LRRC28: variants seen among roughly 807,000 people sequenced by gnomAD.
LRRC28 encodes the protein leucine-rich repeat-containing protein 28.
A neutral mutation model predicts 45.7 loss-of-function variants in LRRC28; 39 were observed. The observed-to-expected ratio is 0.85, with a 90% confidence interval of 0.66 to 1.12. LRRC28 has a LOEUF of 1.12. LRRC28 is among the 50% of genes most tolerant of loss of function. The pLI is 0.00. For synonymous variants in LRRC28, 206 were observed against 178.8 expected (o/e 1.15, Z -1.22); for missense variants, 435 against 438.5 (o/e 0.99, Z 0.07).
chr15:99,330,463 A>G lies in LRRC28; in HGVS notation c.386-3460A>G, dbSNP rs1003348515. Among the ~76,000 whole-genome samples, 9 of 152,202 alleles carry G rather than the reference A, an allele frequency of 5.9e-5. No homozygotes were observed. In the East Asian group the frequency reaches 1.3e-3, roughly 23 times the overall value. On this transcript the variant is annotated intron_variant, in intron 5 of 9. Transcript: ENST00000301981. Reference sequence around the variant, plus strand: ...TATAGTTGACTTATTTTTCTAAAGTATTATCCATTTTACTATTATGAAATA... The same window carrying G: ...TATAGTTGACTTATTTTTCTAAAGTGTTATCCATTTTACTATTATGAAATA...
chr15:99,350,138 G>A (rs1165017883), intron 6 of LRRC28, among the ~76,000 whole-genome samples: 6 of 113,946 alleles, frequency 5.3e-5, no homozygotes, highest in East Asian at 4.6e-4. Flanking sequence ...GCGAGACTCC[G>A]TCTCAAAAAA....
intron 6 of LRRC28, among the ~76,000 whole-genome samples, chr15:99,336,050 T>G (rs1956311449): frequency 6.6e-6 from 1 of 152,196 alleles, no homozygotes; most frequent in African/African-American, 2.4e-5. Context: ...ATTCATAATG[T>G]TGTTGTTATT....
intron 5 of LRRC28, among the ~76,000 whole-genome samples, chr15:99,330,657 A>G (rs1020750158): frequency 1.3e-5 from 2 of 151,928 alleles, no homozygotes; most frequent in Non-Finnish European, 2.9e-5. Flanking sequence ...ATTGTTTTTT[A>G]TGCGGTTGAC....
intron 3 of LRRC28, among the ~76,000 whole-genome samples, chr15:99,283,497 TC>T (rs944212218): frequency 6.7e-6 from 1 of 149,836 alleles, no homozygotes; most frequent in Non-Finnish European, 1.5e-5. Context: ...GCACCTGTAA[TC>T]CCAGCTACTC....
intron 7 of LRRC28, among the ~76,000 whole-genome samples, chr15:99,354,501 G>T (rs1956988253): frequency 6.6e-6 from 1 of 152,166 alleles, no homozygotes; most frequent in Non-Finnish European, 1.5e-5. Context: ...GGGAAATCTA[G>T]TAAAAGGACA....
chr15:99,260,143 T>G (rs1455450201), intron 2 of LRRC28: 1 of 298,708 alleles, frequency 3.3e-6, no homozygotes, highest in Non-Finnish European at 6.7e-6. Context: ...CTGTAAAATG[T>G]GGGATTATGG....
At chr15:99,257,570 T>C in intron 2 of LRRC28, 1 of 530,054 alleles carries the variant, frequency 1.9e-6, no homozygotes. Context: ...AACCCGGGGG[T>C]GAGAGGGTGG....
chr15:99,258,248 A>G, intron 2 of LRRC28: 2 of 1,586,508 alleles, frequency 1.3e-6, no homozygotes. Context: ...AGATAAGGTT[A>G]TTGTCACTTC....
At chr15:99,252,228 A>G (rs960285310) in intron 1 of LRRC28, among the ~76,000 whole-genome samples, 1 of 152,242 alleles carries the variant, frequency 6.6e-6, no homozygotes, top group African/African-American at 2.4e-5. Context: ...GATGTAGTCA[A>G]GTGAAATGGG....
chr15:99,347,337 G>A (rs147444097), intron 6 of LRRC28, among the ~76,000 whole-genome samples: 3,326 of 152,112 alleles, frequency 0.022, 53 homozygotes, highest in Non-Finnish European at 0.034. Flanking sequence ...AGCCTCCCGA[G>A]TAGCTGGGAC....
rs567417625 is a variant in LRRC28, at chr15:99,387,311, C to G, written c.*1209C>G. 6.6e-6 allele frequency: 1 copy of G among 152,070 alleles called. No individual in the cohort carries two copies. Among genetic ancestry groups the G allele is most frequent in the East Asian group, 1.9e-4 (1 of 5,190 alleles). The allele number at this position is 152,070 out of a possible 1,614,324, so 9.4% of individuals were successfully genotyped here. On this transcript the variant is annotated 3_prime_UTR_variant, in exon 10 of 10. Coordinates refer to ENST00000301981, the MANE Select transcript of LRRC28 (RefSeq NM_144598.5). ...TCCTGACCTCGTGATCCGCACGCCT[C>G]GGCCTCCCAAAGTGCTGGGATTACA...
intron 5 of LRRC28, among the ~76,000 whole-genome samples, chr15:99,315,656 A>G (rs879592745): frequency 2.0e-5 from 3 of 152,154 alleles, no homozygotes; most frequent in Non-Finnish European, 4.4e-5. Flanking sequence ...ATGCTATTTT[A>G]TGGGTAATGA....
At chr15:99,364,666 C>T (rs182010377) in intron 9 of LRRC28, among the ~76,000 whole-genome samples, 33 of 152,262 alleles carry the variant, frequency 2.2e-4, no homozygotes, top group East Asian at 1.3e-3. Flanking sequence ...ACAAGGCCAC[C>T]TCAGGCAACT....
chr15:99,324,583 T>TA (rs1955908141), intron 5 of LRRC28, among the ~76,000 whole-genome samples: 1 of 152,190 alleles, frequency 6.6e-6, no homozygotes, highest in Non-Finnish European at 1.5e-5. Flanking sequence ...AACTATGATT[T>TA]AAAGGGGACT....
intron 6 of LRRC28, among the ~76,000 whole-genome samples, chr15:99,350,912 ACCT>A (rs1185196693): frequency 6.6e-6 from 1 of 151,836 alleles, no homozygotes; most frequent in African/African-American, 2.4e-5. Flanking sequence ...CGATCCTTTC[ACCT>A]CTCCTGAGCA....
intron 9 of LRRC28, chr15:99,363,466 G>A (rs1267826113): frequency 1.7e-5 from 9 of 521,090 alleles, no homozygotes; most frequent in Non-Finnish European, 2.7e-5. Context: ...TTTTGGTCAT[G>A]TGCTGGACAG....
At chr15:99,327,805 A>G (rs1214805886) in intron 5 of LRRC28, among the ~76,000 whole-genome samples, 1 of 152,058 alleles carries the variant, frequency 6.6e-6, no homozygotes, top group Non-Finnish European at 1.5e-5. Flanking sequence ...GTGGAAGCTT[A>G]GGAAATGGAT....
At chr15:99,321,986 A>T (rs1388315489) in intron 5 of LRRC28, among the ~76,000 whole-genome samples, 2 of 152,218 alleles carry the variant, frequency 1.3e-5, no homozygotes, top group Non-Finnish European at 2.9e-5. Context: ...GGCCTTTGTG[A>T]AAATGTGATG....
intron 5 of LRRC28, among the ~76,000 whole-genome samples, chr15:99,308,335 T>G (rs1481517462): frequency 6.6e-6 from 1 of 152,118 alleles, no homozygotes; most frequent in Non-Finnish European, 1.5e-5. Context: ...AAAAAAAAAG[T>G]CTGTTTCAAA....
Sources: allele counts gnomAD v4.1 joint callset (sites outside exome capture counted in the v4.1 genomes callset), GRCh38; gene constraint gnomAD v4.1.1; transcripts MANE v1.5; gene names NCBI Gene and HGNC (gene_info 2026-07-23, HGNC 2026-07-21).